The following NLK variants were observed in gnomAD, a reference collection of about 807,000 sequenced individuals.
The protein encoded by NLK is serine/threonine-protein kinase NLK.
A neutral mutation model predicts 59.0 loss-of-function variants in NLK; 11 were observed. That is an observed-to-expected ratio of 0.19 (90% CI 0.12 to 0.31). The LOEUF is 0.31. Among genes scored for constraint, NLK ranks in the 10% least tolerant of loss-of-function variants. The pLI is 1.00. For missense variants in NLK, 410 were observed against 661.1 expected, an observed-to-expected ratio of 0.62 and a Z score of 4.16; for synonymous variants, 235 against 235.9, an observed-to-expected ratio of 1.00 and a Z score of 0.03.
chr17:28,055,895 T>TCTA lies in NLK; in HGVS notation c.458+12565_458+12567dup, dbSNP rs567527259. Among the ~76,000 whole-genome samples the TCTA allele has an allele frequency of 2.1e-3, 316 of 152,318 alleles. 1 individual carries two copies. The highest frequency in any genetic ancestry group is 3.4e-3 in the Middle Eastern group (1 of 294). On this transcript the variant is annotated intron_variant, in intron 1 of 10. Coordinates refer to ENST00000407008, the MANE Select transcript of NLK (RefSeq NM_016231.5). ...CTGTTTTTGAAAAATTCATTCAAAT[T>TCTA]CTAGAATGCTTTCCAAATGTAAAAT...
chr17:28,182,266 T>A (rs1908940093), intron 7 of NLK, among the ~76,000 whole-genome samples: 1 of 152,204 alleles, frequency 6.6e-6, no homozygotes, highest in Non-Finnish European at 1.5e-5. Flanking sequence ...TGTTTTTGTT[T>A]GTTTGTTTGT....
intron 3 of NLK, among the ~76,000 whole-genome samples, chr17:28,145,301 G>A (rs1422396353): frequency 3.3e-5 from 5 of 152,178 alleles, no homozygotes; most frequent in South Asian, 2.1e-4. Flanking sequence ...TGTAATTAGG[G>A]TTAAATATGA....
downstream of NLK, among the ~76,000 whole-genome samples, chr17:28,199,441 G>A (rs554116387): frequency 1.7e-4 from 26 of 152,044 alleles, no homozygotes; most frequent in South Asian, 3.1e-3. Context: ...CAAGGCATGC[G>A]GATCACCTGA....
chr17:28,043,416 A>G (rs1597648016), intron 1 of NLK, 85 bp downstream of exon 1: 3 of 1,216,726 alleles, frequency 2.5e-6, no homozygotes, highest in South Asian at 3.2e-5. Flanking sequence ...GGTTGTCTCC[A>G]TGTTGACCAA....
intron 2 of NLK, among the ~76,000 whole-genome samples, chr17:28,131,655 ATT>A (rs1353856630): frequency 6.6e-6 from 1 of 151,380 alleles, no homozygotes; most frequent in Admixed American, 6.6e-5. Flanking sequence ...GTACCACACA[ATT>A]TATTTCCTGT....
At chr17:28,177,349 G>A (rs1908724938) in intron 7 of NLK, among the ~76,000 whole-genome samples, 1 of 152,210 alleles carries the variant, frequency 6.6e-6, no homozygotes, top group Non-Finnish European at 1.5e-5. Context: ...TCAAATTAAT[G>A]TATTTGTGTT....
intron 1 of NLK, among the ~76,000 whole-genome samples, chr17:28,054,286 T>C (rs1909362140): frequency 1.3e-5 from 2 of 152,194 alleles, no homozygotes; most frequent in Admixed American, 1.3e-4. Flanking sequence ...GTTACAGTAA[T>C]TGGGGTTATC....
intron 3 of NLK, among the ~76,000 whole-genome samples, chr17:28,137,969 C>T (rs1906829673): frequency 6.6e-6 from 1 of 152,008 alleles, no homozygotes; most frequent in Non-Finnish European, 1.5e-5. Flanking sequence ...CTGATGTTAG[C>T]TTTTAAAGGA....
chr17:28,136,531 C>T (rs189056068), intron 3 of NLK, among the ~76,000 whole-genome samples: 63 of 152,184 alleles, frequency 4.1e-4, no homozygotes, highest in Admixed American at 2.2e-3. Flanking sequence ...TAAGAAATAC[C>T]TTAGTTACAT....
At chr17:28,127,514 G>T (rs1357339687) in intron 2 of NLK, among the ~76,000 whole-genome samples, 2 of 152,186 alleles carry the variant, frequency 1.3e-5, no homozygotes, top group African/African-American at 2.4e-5. Context: ...TGTAGAGGTA[G>T]GTTACTTTTC....
Position 28,172,562 on chromosome 17 carries a change from A to G in NLK, c.1093A>G (p.Met365Val). 2 of 1,598,004 alleles carry G rather than the reference A, an allele frequency of 1.3e-6. No homozygotes were observed. The highest frequency in any genetic ancestry group is 2.3e-5 in the East Asian group (1 of 43,544). The change falls in exon 7 of 11, where the codon ATG becomes GTG. Residue 365 changes from methionine (M) to valine (V), a missense_variant. By Grantham distance (21) the Met-to-Val change is conservative. Coordinates refer to ENST00000407008, the MANE Select transcript of NLK (RefSeq NM_016231.5). ...DLLGTPSLEA[M>V]RTACEGAKAH... ...GTTGGGCACACCATCACTGGAAGCA[A>G]TGAGGACAGCTTGTGAAGGCGCTAA...
intron 3 of NLK, among the ~76,000 whole-genome samples, chr17:28,157,514 A>T (rs1270558476): frequency 1.3e-5 from 2 of 152,000 alleles, no homozygotes; most frequent in African/African-American, 2.4e-5. Context: ...TTTTATAGAG[A>T]TGGGATTTCT....
chr17:28,098,130 A>G (rs897610767), intron 1 of NLK, among the ~76,000 whole-genome samples: 1 of 152,206 alleles, frequency 6.6e-6, no homozygotes, highest in Non-Finnish European at 1.5e-5. Context: ...TAAACCTACG[A>G]AGTGTACACT....
rs897349026 is a variant in NLK, at chr17:28,136,135, C to G, written c.644+3460C>G. 1.9e-4 allele frequency among the ~76,000 whole-genome samples: 29 copies of G among 152,148 alleles called. 1 individual carries two copies. The highest frequency in any genetic ancestry group is 6.8e-4 in the African/African-American group (28 of 41,424). ...TGTCAAAAAATATTCATGGAACCCT[C>G]TGGTATACCATTTACTTAAATGTTT... On this transcript the variant is annotated intron_variant, in intron 3 of 10. Coordinates refer to ENST00000407008, the MANE Select transcript of NLK (RefSeq NM_016231.5).
rs558589473 is a variant in NLK at position 28,167,400 on chromosome 17, C to CT, written c.838-1035dup. 9.7e-3 allele frequency among the ~76,000 whole-genome samples: 1,391 copies of CT among 142,696 alleles called. 8 individuals carry two copies. Among genetic ancestry groups the CT allele is most frequent in the Middle Eastern group, 0.047 (13 of 276 alleles). 93.6% of individuals were successfully genotyped at this position (142,696 alleles called of 152,430 possible). Reference sequence around the variant, plus strand: ...TACAGGTGCACACCACCACGCCCAGCTTTTTTTTTTTTTAATTGTTTGTAG... The same window carrying CT: ...TACAGGTGCACACCACCACGCCCAGCTTTTTTTTTTTTTTAATTGTTTGTAG... On this transcript the variant is annotated intron_variant, in intron 5 of 10. Coordinates refer to ENST00000407008, the MANE Select transcript of NLK (RefSeq NM_016231.5).
chr17:28,194,033 G>A (rs1485991829), intron 10 of NLK, among the ~76,000 whole-genome samples: 1 of 152,132 alleles, frequency 6.6e-6, no homozygotes, highest in African/African-American at 2.4e-5. Flanking sequence ...GATCACCAAT[G>A]CTAAATGATT....
rs1424542257 is a variant in NLK, at chr17:28,050,854, C to T, written c.458+7523C>T. 5.3e-5 allele frequency among the ~76,000 whole-genome samples: 8 copies of T among 151,978 alleles called. 1 individual carries two copies. The highest frequency in any genetic ancestry group is 5.2e-4 in the Admixed American group (8 of 15,258). Reference sequence around the variant, plus strand: ...CCATGGTGGTTCACACCTGTAAACCCAGCACTTTGGGTAGCTGAGGTGGGC... The same window carrying T: ...CCATGGTGGTTCACACCTGTAAACCTAGCACTTTGGGTAGCTGAGGTGGGC... On this transcript the variant is annotated intron_variant, in intron 1 of 10. Coordinates refer to ENST00000407008, the MANE Select transcript of NLK (RefSeq NM_016231.5).
chr17:28,204,938 C>G, the NLK span, among the ~76,000 whole-genome samples: 5 of 152,188 alleles, frequency 3.3e-5, no homozygotes, highest in Non-Finnish European at 7.3e-5. Flanking sequence ...GGTCACATTC[C>G]AATTCCTGGA....
intron 7 of NLK, among the ~76,000 whole-genome samples, chr17:28,175,450 C>CAA (rs756212992): frequency 7.7e-6 from 1 of 129,652 alleles, no homozygotes. Context: ...GACTTCGTCT[C>CAA]AAAAAAAAAA....
Sources: allele counts gnomAD v4.1 joint callset (sites outside exome capture counted in the v4.1 genomes callset), GRCh38; gene constraint gnomAD v4.1.1; transcripts MANE v1.5; gene names NCBI Gene and HGNC (gene_info 2026-07-23, HGNC 2026-07-21).